Variants in NTSR1 observed in about 807,000 individuals in gnomAD.
NTSR1 encodes neurotensin receptor type 1.
NTSR1 carries 29 observed loss-of-function variants against 31.2 expected under a neutral mutation model. The observed-to-expected ratio is 0.93, with a 90% confidence interval of 0.69 to 1.27. The LOEUF (loss-of-function observed/expected upper bound fraction) is 1.27, where lower values mean the gene tolerates loss of function less well. Ranked by LOEUF, NTSR1 falls within the 50% of genes most tolerant of loss-of-function variation. NTSR1 has a pLI of 0.00. For synonymous variants in NTSR1, 282 were observed against 269.9 expected (o/e 1.04, Z -0.44); for missense variants, 697 against 595.4 (o/e 1.17, Z -1.78).
rs565917566 is a variant in NTSR1 at position 62,732,487 on chromosome 20, T to C, written c.715-22198T>C. On this transcript the variant is annotated intron_variant, in intron 1 of 3. Coordinates refer to ENST00000370501, the MANE Select transcript of NTSR1 (RefSeq NM_002531.3). The surrounding 1 kb of genome is among the most constrained non-coding windows in gnomAD (Gnocchi z 4.0). ...AGCCTCGCATGCCTGGAATAAATCC[T>C]GTGCTGTCTAATTCTTACCATGTAG... 4.6e-5 allele frequency: 7 copies of C among 152,364 alleles called. No individual in the cohort carries two copies. In the South Asian group the frequency reaches 6.2e-4, roughly 14 times the overall value. The allele number at this position is 152,364 out of a possible 1,614,324, so 9.4% of individuals were successfully genotyped here. A position where few individuals can be genotyped will look rare whatever the true frequency, so the allele number is the denominator to read the frequency against.
rs75304698 is a variant in NTSR1, at chr20:62,718,368, G to C, written c.714+8447G>C. On this transcript the variant is annotated intron_variant, in intron 1 of 3. Transcript: ENST00000370501. ...GGGTGGGGGTGGAGAAGGTGGCGGA[G>C]AGGGGTTGGATACCAGAGACGTGCT... Among the ~76,000 whole-genome samples the C allele has an allele frequency of 2.8e-3, 419 of 152,290 alleles. 1 individual carries two copies. The highest frequency in any genetic ancestry group is 9.8e-3 in the African/African-American group (409 of 41,540).
chr20:62,756,844 A>G (rs1441887142), intron 2 of NTSR1: 1 of 152,246 alleles, frequency 6.6e-6, no homozygotes, highest in African/African-American at 2.4e-5. Context: ...GTGATTTAAG[A>G]TTAATGATTA....
chr20:62,740,270 C>A (rs1195208643), intron 1 of NTSR1, among the ~76,000 whole-genome samples: 1 of 152,110 alleles, frequency 6.6e-6, no homozygotes, highest in Non-Finnish European at 1.5e-5. Flanking sequence ...GGCTCATTCG[C>A]AGCCATAGGG....
At chr20:62,751,867 TC>T (rs969184090) in intron 1 of NTSR1, among the ~76,000 whole-genome samples, 10 of 152,070 alleles carry the variant, frequency 6.6e-5, no homozygotes, top group African/African-American at 2.4e-4. Context: ...GCCAGTCTTC[TC>T]CCCGATGATC....
chr20:62,720,483 G>A (rs1420724652), intron 1 of NTSR1, among the ~76,000 whole-genome samples: 2 of 152,086 alleles, frequency 1.3e-5, no homozygotes, highest in Non-Finnish European at 2.9e-5. Flanking sequence ...GTCAGTAATA[G>A]TGTCTCCTTG....
intron 1 of NTSR1, among the ~76,000 whole-genome samples, chr20:62,727,949 C>T (rs1988937325): frequency 1.3e-5 from 2 of 152,238 alleles, no homozygotes; most frequent in South Asian, 2.1e-4. Flanking sequence ...TCACTCACCT[C>T]CTGTCACAGC....
At chr20:62,753,016 G>A (rs574238583) in intron 1 of NTSR1, among the ~76,000 whole-genome samples, 1 of 152,326 alleles carries the variant, frequency 6.6e-6, no homozygotes, top group Non-Finnish European at 1.5e-5. Flanking sequence ...GCACGAGCAA[G>A]GGGCGCTGGG....
Position 62,741,996 on chromosome 20 carries a change from A to G in NTSR1, c.715-12689A>G, listed in dbSNP as rs2147143009. Among the ~76,000 whole-genome samples the G allele has an allele frequency of 6.7e-6, 1 of 149,644 alleles. No individual in the cohort carries two copies. Among genetic ancestry groups the G allele is most frequent in the African/African-American group, 2.5e-5 (1 of 40,154 alleles). ...GAGACCTGTGTGCCTGAGGTGGTGC[A>G]CACAGAGTATGTGTAGACCCCAGGA... On this transcript the variant is annotated intron_variant, in intron 1 of 3. Transcript: ENST00000370501. This position sits in a 1 kb window ranked among gnomAD's most constrained non-coding sequence, Gnocchi z 4.3.
chr20:62,736,202 G>A (rs1300862995), intron 1 of NTSR1, among the ~76,000 whole-genome samples: 2 of 152,198 alleles, frequency 1.3e-5, no homozygotes, highest in African/African-American at 4.8e-5. Context: ...CGTGGCTGGG[G>A]ATTCTCTGCA....
chr20:62,728,762 C>T (rs1003401885), intron 1 of NTSR1, among the ~76,000 whole-genome samples: 9 of 152,186 alleles, frequency 5.9e-5, no homozygotes, highest in Non-Finnish European at 1.0e-4. Context: ...TTCTGCCAAA[C>T]GCCAGAGGCA....
Position 62,760,320 on chromosome 20 carries a change from C to G in NTSR1, c.*53C>G, listed in dbSNP as rs2147151393. On this transcript the variant is annotated 3_prime_UTR_variant, in exon 4 of 4. Transcript: ENST00000370501. Reference sequence around the variant, plus strand: ...GGAGCCTGGCCATGGGTCCTTGCCCCCGACAGACAGAGCAGCCCCCACCCG... The same window carrying G: ...GGAGCCTGGCCATGGGTCCTTGCCCGCGACAGACAGAGCAGCCCCCACCCG... 1 of 1,550,186 alleles carries G rather than the reference C, an allele frequency of 6.5e-7. No individual in the cohort carries two copies. Among genetic ancestry groups the G allele is most frequent in the Non-Finnish European group, 8.7e-7 (1 of 1,148,320 alleles).
rs192801201 is a variant in NTSR1 at position 62,711,884 on chromosome 20, C to T, written c.714+1963C>T. On this transcript the variant is annotated intron_variant, in intron 1 of 3. Coordinates refer to ENST00000370501, the MANE Select transcript of NTSR1 (RefSeq NM_002531.3). This position sits in a 1 kb window ranked among gnomAD's most constrained non-coding sequence, Gnocchi z 6.4. The stretch of plus-strand genomic sequence containing the variant: ...CACGCTACGGCCGGCCACAGGCACT[C>T]GTCCAATCGCAGAGGCCTGTGACGT... Among the ~76,000 whole-genome samples, 4 of 152,224 alleles carry T rather than the reference C, an allele frequency of 2.6e-5. No individual in the cohort carries two copies. Among genetic ancestry groups the T allele is most frequent in the Non-Finnish European group, 5.9e-5 (4 of 68,038 alleles).
At chr20:62,750,163 C>G (rs562700326) in intron 1 of NTSR1, among the ~76,000 whole-genome samples, 3 of 152,304 alleles carry the variant, frequency 2.0e-5, no homozygotes, top group Admixed American at 1.3e-4. Context: ...CGCAACAAAC[C>G]TGGGGGCATT....
At position 62,743,449 on chromosome 20, in the gene NTSR1, G is replaced by C. The variant is rs1181808695; in HGVS notation, c.715-11236G>C. 6.6e-6 allele frequency among the ~76,000 whole-genome samples: 1 copy of C among 152,174 alleles called. No homozygotes were observed. The highest frequency in any genetic ancestry group is 1.5e-5 in the Non-Finnish European group (1 of 68,038). Reference sequence around the variant, plus strand: ...GGTCTAGTGGGGGCCTCTCCACCTGGAGTCTGTCTGGGAGGTTAGAAAAGA... The same window carrying C: ...GGTCTAGTGGGGGCCTCTCCACCTGCAGTCTGTCTGGGAGGTTAGAAAAGA... On this transcript the variant is annotated intron_variant, in intron 1 of 3. Coordinates refer to ENST00000370501, the MANE Select transcript of NTSR1 (RefSeq NM_002531.3). This position sits in a 1 kb window ranked among gnomAD's most constrained non-coding sequence, Gnocchi z 7.5.
intron 1 of NTSR1, among the ~76,000 whole-genome samples, chr20:62,747,920 A>C (rs117774977): frequency 0.031 from 4,729 of 152,366 alleles, 112 homozygotes; most frequent in Non-Finnish European, 0.047. Context: ...TGACACCTGT[A>C]ATCCCAGCAG....
chr20:62,750,035 C>A (rs998080932), intron 1 of NTSR1, among the ~76,000 whole-genome samples: 1 of 152,238 alleles, frequency 6.6e-6, no homozygotes, highest in Non-Finnish European at 1.5e-5. Context: ...ATCGCCAAGA[C>A]ACGGAATCAA....
At position 62,711,935 on chromosome 20, in the gene NTSR1, G is replaced by A. The variant is rs971809360; in HGVS notation, c.714+2014G>A. ...ATCAACCGTAGGACAGCGGCCCCAC[G>A]CCCTGCAGACGCCATGCTGGCCGAG... On this transcript the variant is annotated intron_variant, in intron 1 of 3. Transcript: ENST00000370501. The surrounding 1 kb of genome is among the most constrained non-coding windows in gnomAD (Gnocchi z 6.4). Among the ~76,000 whole-genome samples, 5 of 152,320 alleles carry A rather than the reference G, an allele frequency of 3.3e-5. No homozygotes were observed. The highest frequency in any genetic ancestry group is 3.9e-4 in the East Asian group (2 of 5,174).
At chr20:62,752,195 CT>C (rs1989404546) in intron 1 of NTSR1, among the ~76,000 whole-genome samples, 1 of 152,234 alleles carries the variant, frequency 6.6e-6, no homozygotes, top group Non-Finnish European at 1.5e-5. Context: ...CAGTCCTCCC[CT>C]CACCTCCCCT....
intron 1 of NTSR1, among the ~76,000 whole-genome samples, chr20:62,731,777 G>A (rs1447236932): frequency 1.3e-5 from 2 of 152,110 alleles, no homozygotes; most frequent in African/African-American, 4.8e-5. Flanking sequence ...CCACTTCTGG[G>A]CTCTCTTTTC....
Sources: allele counts gnomAD v4.1 joint callset (sites outside exome capture counted in the v4.1 genomes callset), GRCh38; gene constraint gnomAD v4.1.1; non-coding constraint Gnocchi (gnomAD v3.1); transcripts MANE v1.5; gene names NCBI Gene and HGNC (gene_info 2026-07-23, HGNC 2026-07-21).